The following PSG8 variants were observed in gnomAD, a reference collection of about 807,000 sequenced individuals.
PSG8 encodes the protein pregnancy-specific beta-1-glycoprotein 8.
Under a neutral mutation model 42.5 loss-of-function variants are expected in PSG8, and 57 were observed. That is an observed-to-expected ratio of 1.34 (90% CI 1.08 to 1.67). The LOEUF (loss-of-function observed/expected upper bound fraction) is 1.67, where lower values mean the gene tolerates loss of function less well. Ranked by LOEUF, PSG8 falls within the 40% of genes most tolerant of loss-of-function variation. The pLI is 0.00. For synonymous variants in PSG8, 280 were observed against 196.8 expected, an observed-to-expected ratio of 1.42 and a Z score of -3.54; for missense variants, 783 against 518.6, an observed-to-expected ratio of 1.51 and a Z score of -4.95.
At chr19:42,758,875 C>T (rs1174366244) in intron 2 of PSG8, 17 of 159,430 alleles carry the variant, frequency 1.1e-4, no homozygotes, top group Non-Finnish European at 2.1e-4. Context: ...GCAGTTTTCC[C>T]AGGTGTCTCA....
rs775119409 is a variant in PSG8 at position 42,764,818 on chromosome 19, C to T, written c.65-537G>A. 7.6e-4 allele frequency among the ~76,000 whole-genome samples: 115 copies of T among 152,150 alleles called. 3 individuals carry two copies. The highest frequency in any genetic ancestry group is 3.3e-4 in the Admixed American group (5 of 15,284). ...GTGATCTTGGTTGCACCCCAGTGCC[C>T]AGAACAGGCTGCAGACTCCTGTAGA... On this transcript the variant is annotated intron_variant, in intron 1 of 4. Transcript: ENST00000306511.
intron 2 of PSG8, 141 bp downstream of exon 2, chr19:42,763,775 C>T (rs1970136048): frequency 8.8e-6 from 13 of 1,483,402 alleles, no homozygotes; most frequent in African/African-American, 1.4e-5. Context: ...CTGTGTGTGT[C>T]CTGCACTAAA....
chr19:42,756,507 GT>G lies in PSG8; in HGVS notation c.710-1242del, dbSNP rs1969931087. On this transcript the variant is annotated intron_variant, in intron 3 of 4. Transcript: ENST00000306511. ...TGAAATATTTGTCATATACTTACTG[GT>G]TTAGCATCCCAAATCTGAAAGATTC... Among the ~76,000 whole-genome samples the G allele has an allele frequency of 2.0e-5, 3 of 152,100 alleles. No homozygotes were observed. In the South Asian group the frequency reaches 6.2e-4, roughly 32 times the overall value.
At chr19:42,758,354 T>C in intron 2 of PSG8, 74 bp from the exon 3 acceptor site, 1 of 1,562,464 alleles carries the variant, frequency 6.4e-7, no homozygotes, top group Non-Finnish European at 8.7e-7. Context: ...TCAATCAGAG[T>C]TGGCATTTCC....
Position 42,764,108 on chromosome 19 carries a change from T to A in PSG8, c.238A>T (p.Thr80Ser), listed in dbSNP as rs777344894. Residue 80 changes from threonine (T) to serine (S), a missense_variant, in exon 2 of 5, where the codon ACA becomes TCA. Coordinates refer to ENST00000306511, the MANE Select transcript of PSG8 (RefSeq NM_182707.3). ...GQIRDLYHYI[T>S]SYVVDGQIII... Reference sequence around the variant, plus strand: ...ATTTGACCGTCTACTACATATGATGTAATGTAATGGTAGAGGTCCCTGATT... The same window carrying A: ...ATTTGACCGTCTACTACATATGATGAAATGTAATGGTAGAGGTCCCTGATT... 6.2e-7 allele frequency: 1 copy of A among 1,613,860 alleles called. No homozygotes were observed. Among genetic ancestry groups the A allele is most frequent in the Non-Finnish European group, 8.5e-7 (1 of 1,179,860 alleles).
At chr19:42,754,163 A>G (rs377113963), downstream of PSG8, 27 of 1,486,610 alleles carry the variant, frequency 1.8e-5, 1 homozygote, top group African/African-American at 3.7e-4. Flanking sequence ...CCTGTTTGTT[A>G]AAGTTTTCAA....
rs1207829854 is a variant in PSG8, at chr19:42,755,231, A to AGTT, written c.742_744dup (p.Asn248dup). On this transcript the variant is annotated inframe_insertion, in exon 4 of 5. Coordinates refer to ENST00000306511, the MANE Select transcript of PSG8 (RefSeq NM_182707.3). ...ACATCCTTATTCTCCCTGGGTTTTA[A>AGTT]GTTGTTGATGGTGATGTAGGGCTTG... is the stretch of plus-strand genomic sequence containing the variant. 3.1e-6 allele frequency: 5 copies of AGTT among 1,611,904 alleles called. No homozygotes were observed. In the African/African-American group the frequency reaches 6.7e-5, roughly 22 times the overall value.
chr19:42,754,509 G>A lies in PSG8; in HGVS notation c.1067C>T (p.Ala356Val), dbSNP rs769407964. 1.6e-5 allele frequency: 26 copies of A among 1,613,694 alleles called. No homozygotes were observed. Among genetic ancestry groups the A allele is most frequent in the South Asian group, 1.1e-4 (10 of 91,056 alleles). The part of the protein sequence containing the change: ...SGEVLYLSCS[A>V]DSNPPAQYSW... ...ATACTGTGCCGGTGGGTTAGAGTCC[G>A]CAGAACAGGACAAGTAGAGGACTTC... is the stretch of plus-strand genomic sequence containing the variant. Residue 356 changes from alanine to valine, a missense_variant, in exon 5 of 5, where the codon GCG becomes GTG. Physicochemically the swap from Ala to Val is moderately conservative, Grantham distance 64. Transcript: ENST00000306511.
chr19:42,765,400 C>A, intron 1 of PSG8, 118 bp downstream of exon 1: 2 of 1,484,796 alleles, frequency 1.3e-6, no homozygotes, highest in Non-Finnish European at 9.2e-7. Context: ...GATCCACCTG[C>A]CTCAGCCTCC....
intron 2 of PSG8, among the ~76,000 whole-genome samples, chr19:42,763,328 C>T (rs1423967658): frequency 3.3e-5 from 5 of 152,124 alleles, no homozygotes; most frequent in Admixed American, 6.5e-5. Context: ...CTCTGAGTGT[C>T]AGGTGAAGAA....
chr19:42,758,069 G>A lies in PSG8; in HGVS notation c.642C>T (p.Pro214=). The part of the protein sequence containing the change: ...LLGVTKYTAG[P]YECEIRNPVS... ...CTGGGTTCCGTATTTCACATTCATA[G>A]GGTCCTGCAGTGTACTTTGTGACAC... The change falls in exon 3 of 5, where the codon CCC becomes CCT. Residue 214 remains proline, a synonymous_variant. Coordinates refer to ENST00000306511, the MANE Select transcript of PSG8 (RefSeq NM_182707.3). 2 of 1,614,050 alleles carry A rather than the reference G, an allele frequency of 1.2e-6. No homozygotes were observed. Among genetic ancestry groups the A allele is most frequent in the Middle Eastern group, 1.7e-4 (1 of 6,054 alleles).
chr19:42,762,151 G>A (rs910194289), intron 2 of PSG8, among the ~76,000 whole-genome samples: 28 of 151,664 alleles, frequency 1.8e-4, no homozygotes, highest in African/African-American at 6.6e-4. Context: ...GTCTGGGGAA[G>A]GCCTAGGGGT....
In PSG8 at chr19:42,754,326, C is replaced by A. The variant is rs762189392; in HGVS notation, c.1250G>T (p.Arg417Leu). 2.5e-6 allele frequency: 4 copies of A among 1,613,600 alleles called. No homozygotes were observed. Among genetic ancestry groups the A allele is most frequent in the Non-Finnish European group, 3.4e-6 (4 of 1,179,794 alleles). The change falls in exon 5 of 5, where the codon CGG (arginine) becomes CTG (leucine). Residue 417 changes from arginine to leucine, a missense_variant. Transcript: ENST00000306511. ...CCCTATTGCCAAGGATACTGGGATC[C>A]GCTTACCAGAGACTTTTACTGTCAT... ...KSMTVKVSGKRIPVSLAIGI is the reference protein window; with the variant it reads ...KSMTVKVSGKLIPVSLAIGI
At chr19:42,758,483 A>C in intron 2 of PSG8, 1 of 1,158,196 alleles carries the variant, frequency 8.6e-7, no homozygotes, top group Non-Finnish European at 1.2e-6. Context: ...GTAGAAACAC[A>C]GACTTTCTCA....
downstream of PSG8, chr19:42,754,147 T>A: frequency 2.1e-6 from 3 of 1,429,364 alleles, no homozygotes; most frequent in Non-Finnish European, 2.8e-6. Flanking sequence ...TTTATGAAGA[T>A]ATCAGCCTGT....
intron 2 of PSG8, among the ~76,000 whole-genome samples, chr19:42,760,039 A>G (rs1156569943): frequency 6.6e-6 from 1 of 152,172 alleles, no homozygotes; most frequent in African/African-American, 2.4e-5. Context: ...ATATAGAAAG[A>G]ACTCCCTGCT....
At chr19:42,762,940 C>A (rs1287194459) in intron 2 of PSG8, among the ~76,000 whole-genome samples, 1 of 152,096 alleles carries the variant, frequency 6.6e-6, no homozygotes, top group Non-Finnish European at 1.5e-5. Context: ...CCTCATGTGA[C>A]CCTGATCTCC....
At position 42,754,492 on chromosome 19, in the gene PSG8, C is replaced by T. The variant is rs1444950954; in HGVS notation, c.1084G>A (p.Ala362Thr). 6.2e-7 allele frequency: 1 copy of T among 1,613,784 alleles called. No homozygotes were observed. The highest frequency in any genetic ancestry group is 1.7e-5 in the Admixed American group (1 of 59,982). The part of the protein sequence containing the change: ...LSCSADSNPP[A>T]QYSWTINGKF... ...CCATTAATTGTCCAAGAATACTGTG[C>T]CGGTGGGTTAGAGTCCGCAGAACAG... The change falls in exon 5 of 5, where the codon GCA becomes ACA. Residue 362 changes from alanine (A) to threonine (T), a missense_variant. Transcript: ENST00000306511.
In PSG8 at chr19:42,754,824, G is replaced by A. The variant is rs58095941; in HGVS notation, c.988+164C>T. The stretch of plus-strand genomic sequence containing the variant: ...CACTCCCCTTATACTCTTGGTTAAG[G>A]CTGTGCCTACCCAGGTTTTCCCAGG... On this transcript the variant is annotated intron_variant, in intron 4 of 4. Transcript: ENST00000306511. 4.1e-3 allele frequency: 6,128 copies of A among 1,482,314 alleles called. 263 individuals are homozygous for A. The East Asian group carries it at 0.093, about 23-fold the overall frequency. 91.8% of individuals were successfully genotyped at this position (1,482,314 alleles called of 1,614,324 possible).
Sources: allele counts gnomAD v4.1 joint callset (sites outside exome capture counted in the v4.1 genomes callset), GRCh38; gene constraint gnomAD v4.1.1; transcripts MANE v1.5; gene names NCBI Gene and HGNC (gene_info 2026-07-23, HGNC 2026-07-21).